Variants in RECQL5 observed in about 807,000 individuals in gnomAD.
The protein encoded by RECQL5 is RecQ like helicase 5.
A neutral mutation model predicts 103.4 loss-of-function variants in RECQL5; 88 were observed. That is an observed-to-expected ratio of 0.85 (90% CI 0.72 to 1.02). The LOEUF (loss-of-function observed/expected upper bound fraction) is 1.02, where lower values mean the gene tolerates loss of function less well. RECQL5 is among the 50% of genes least tolerant of loss of function. RECQL5 has a pLI of 0.00. For synonymous variants in RECQL5, 552 were observed against 507.9 expected, an observed-to-expected ratio of 1.09 and a Z score of -1.17; for missense variants, 1,232 against 1,284.3, an observed-to-expected ratio of 0.96 and a Z score of 0.62.
At chr17:75,644,121 T>G (rs1195642534) in intron 8 of RECQL5, among the ~76,000 whole-genome samples, 1 of 152,014 alleles carries the variant, frequency 6.6e-6, no homozygotes, top group Admixed American at 6.5e-5. Flanking sequence ...CTGACCAACA[T>G]GGTGAAACCT....
chr17:75,635,893 CAG>C (rs1202717516), intron 8 of RECQL5: 1 of 984,682 alleles, frequency 1.0e-6, no homozygotes, highest in Non-Finnish European at 1.2e-6. Flanking sequence ...GAGGAGGAAA[CAG>C]GGAAGCTTCG....
chr17:75,647,351 C>A, intron 8 of RECQL5: 1 of 1,533,410 alleles, frequency 6.5e-7, no homozygotes, highest in South Asian at 1.2e-5. Context: ...GCACTCAGGT[C>A]CTCTGTCCCT....
At chr17:75,633,187 C>T (rs1181019815) in intron 8 of RECQL5, among the ~76,000 whole-genome samples, 1 of 152,244 alleles carries the variant, frequency 6.6e-6, no homozygotes, top group Non-Finnish European at 1.5e-5. Context: ...GGCCGCCTGT[C>T]CAGCCTCTGG....
intron 8 of RECQL5, chr17:75,635,752 A>C: frequency 1.0e-6 from 1 of 982,802 alleles, no homozygotes; most frequent in Non-Finnish European, 1.2e-6. Context: ...CACCATGACG[A>C]AACAACAGGG....
intron 7 of RECQL5, among the ~76,000 whole-genome samples, chr17:75,657,303 C>T (rs2059636440): frequency 6.6e-6 from 1 of 151,900 alleles, no homozygotes; most frequent in South Asian, 2.1e-4. Context: ...GAGGATCACT[C>T]GAGCCCAGGA....
rs757231374 is a variant in RECQL5, at chr17:75,627,093, C to CTT, written c.*327_*328dup. ...CTTGGACAGGTGGGCCTCATCCTGA[C>CTT]TTAGAACTCGGGGAGGGGCCACTCT... is the stretch of plus-strand genomic sequence containing the variant. On this transcript the variant is annotated 3_prime_UTR_variant, in exon 20 of 20. Transcript: ENST00000317905. 1.2e-4 allele frequency: 58 copies of CTT among 489,066 alleles called. 1 individual carries two copies. The highest frequency in any genetic ancestry group is 9.0e-4 in the South Asian group (58 of 64,202). 30.3% of individuals were successfully genotyped at this position (489,066 alleles called of 1,614,324 possible).
chr17:75,650,375 C>T (rs1168009933), intron 8 of RECQL5: 1 of 1,178,882 alleles, frequency 8.5e-7, no homozygotes, highest in Non-Finnish European at 1.1e-6. Context: ...CTCTGATTTC[C>T]TCGCTTTTTT....
At chr17:75,651,452 T>C (rs1226849861) in intron 7 of RECQL5, among the ~76,000 whole-genome samples, 187 bp from the exon 8 acceptor site, 3 of 152,038 alleles carry the variant, frequency 2.0e-5, no homozygotes, top group Non-Finnish European at 4.4e-5. Context: ...TGAAACCCTG[T>C]CTCTACTAAA....
intron 8 of RECQL5, among the ~76,000 whole-genome samples, chr17:75,635,138 C>T (rs1334032944): frequency 6.6e-6 from 1 of 152,176 alleles, no homozygotes; most frequent in Non-Finnish European, 1.5e-5. Flanking sequence ...AAACAATGAC[C>T]CAGGGAAATG....
At chr17:75,633,974 C>A in intron 8 of RECQL5, 1 of 985,566 alleles carries the variant, frequency 1.0e-6, no homozygotes, top group Non-Finnish European at 1.2e-6. Flanking sequence ...AGGACAAGTT[C>A]CCAAGCAGGG....
chr17:75,651,680 T>C (rs1013778688), intron 7 of RECQL5, among the ~76,000 whole-genome samples: 3 of 152,200 alleles, frequency 2.0e-5, no homozygotes, highest in South Asian at 2.1e-4. Flanking sequence ...CAAACCTGAC[T>C]ATGTATCATA....
At chr17:75,661,577 G>A (rs2059700090) in intron 5 of RECQL5, 29 bp downstream of exon 5, 2 of 1,521,386 alleles carry the variant, frequency 1.3e-6, no homozygotes, top group African/African-American at 2.7e-5. Context: ...TGAGGGTGAA[G>A]AGACTCAAGT....
chr17:75,660,860 A>G, intron 6 of RECQL5, 95 bp downstream of exon 6: 3 of 898,228 alleles, frequency 3.3e-6, no homozygotes, highest in Non-Finnish European at 3.8e-6. Flanking sequence ...TAGCCCTCGA[A>G]GGAGCACATG....
intron 7 of RECQL5, 76 bp from the exon 8 acceptor site, chr17:75,651,341 G>A (rs1253994049): frequency 2.8e-5 from 44 of 1,549,550 alleles, no homozygotes; most frequent in Non-Finnish European, 3.8e-5. Flanking sequence ...TAATGAGGAG[G>A]CCGAGTGCGG....
At position 75,628,824 on chromosome 17, in the gene RECQL5, G is replaced by C. The variant is rs748044244; in HGVS notation, c.2490-62C>G. On this transcript the variant is annotated intron_variant, in intron 16 of 19. Transcript: ENST00000317905. ...CCTGGTGGCTCCCTCATCCCAGGAG[G>C]CCTAGGAGAGCCCATCTCAGGGGTG... 3.1e-6 allele frequency: 5 copies of C among 1,601,582 alleles called. 1 individual carries two copies. The South Asian group carries it at 4.5e-5, about 14-fold the overall frequency.
At chr17:75,648,360 T>C (rs962852903) in intron 8 of RECQL5, among the ~76,000 whole-genome samples, 5 of 152,132 alleles carry the variant, frequency 3.3e-5, no homozygotes, top group South Asian at 4.1e-4. Context: ...ACAGGACTTA[T>C]ATGTCTTTGT....
At chr17:75,651,016 T>C (rs1322934069) in intron 8 of RECQL5, 170 bp downstream of exon 8, 2 of 1,522,286 alleles carry the variant, frequency 1.3e-6, no homozygotes, top group Admixed American at 2.1e-5. Context: ...GGGCCTCCAA[T>C]AGAGAAGAGC....
At chr17:75,652,917 C>T (rs1345454672) in intron 7 of RECQL5, among the ~76,000 whole-genome samples, 1 of 152,224 alleles carries the variant, frequency 6.6e-6, no homozygotes, top group East Asian at 1.9e-4. Context: ...ACTGTTTTCT[C>T]ATCTCCACTC....
intron 18 of RECQL5, 30 bp downstream of exon 18, chr17:75,628,188 G>A: frequency 6.3e-7 from 1 of 1,579,704 alleles, no homozygotes. Context: ...CCAGGCATGG[G>A]AGAAGGCAGA....
Sources: gnomAD v4.1 joint callset for allele counts (sites outside exome capture counted in the v4.1 genomes callset) on GRCh38, gnomAD v4.1.1 for gene constraint, MANE v1.5 for transcripts, NCBI Gene and HGNC (gene_info 2026-07-23, HGNC 2026-07-21) for gene names.